Variants in EIF4E2 observed in about 807,000 individuals in gnomAD.
The protein encoded by EIF4E2 is eukaryotic translation initiation factor 4E family member 2.
EIF4E2 carries 13 observed loss-of-function variants against 34.2 expected under a neutral mutation model. The observed-to-expected ratio is 0.38, with a 90% CI of 0.25 to 0.60. EIF4E2 has a LOEUF of 0.60. Ranked by LOEUF, EIF4E2 falls within the 20% of genes least tolerant of loss-of-function variation. The probability of loss-of-function intolerance (pLI) is 0.62; values close to 1 mark genes in which losing one functional copy is unlikely to be tolerated. For missense variants in EIF4E2, 222 were observed against 315.1 expected (o/e 0.70, Z 2.24); for synonymous variants, 100 against 106.6 (o/e 0.94, Z 0.38).
chr2:232,551,988 C>T (rs1692352753), intron 1 of EIF4E2, among the ~76,000 whole-genome samples: 1 of 152,178 alleles, frequency 6.6e-6, no homozygotes, highest in South Asian at 2.1e-4. Flanking sequence ...CCCATTTCAT[C>T]TCTATTGTAA....
chr2:232,567,020 C>T, intron 5 of EIF4E2, 39 bp downstream of exon 5: 1 of 1,595,604 alleles, frequency 6.3e-7, no homozygotes, highest in Non-Finnish European at 8.5e-7. Context: ...CTTGTGTTGC[C>T]TTTGCTCTCC....
downstream of EIF4E2, among the ~76,000 whole-genome samples, chr2:232,571,525 C>G (rs895889378): frequency 6.6e-6 from 1 of 152,182 alleles, no homozygotes; most frequent in African/African-American, 2.4e-5. Flanking sequence ...CCCACTGATT[C>G]CTTTTGTGCA....
At chr2:232,570,629 A>AG (rs1693069201), downstream of EIF4E2, among the ~76,000 whole-genome samples, 2 of 152,184 alleles carry the variant, frequency 1.3e-5, 1 homozygote, top group South Asian at 4.1e-4. Context: ...TGAGCCAAGG[A>AG]ACAGCTGCTA....
At chr2:232,568,536 C>T in intron 6 of EIF4E2, 1 of 985,396 alleles carries the variant, frequency 1.0e-6, no homozygotes, top group South Asian at 4.7e-5. Flanking sequence ...GAGATCTACA[C>T]CTGTTTCTAG....
intron 1 of EIF4E2, among the ~76,000 whole-genome samples, chr2:232,552,091 A>G (rs1692357211): frequency 3.9e-5 from 6 of 152,166 alleles, no homozygotes; most frequent in Non-Finnish European, 8.8e-5. Context: ...GAACAAATCA[A>G]ATGTCATCCT....
At position 232,569,001 on chromosome 2, in the gene EIF4E2, G is replaced by T; in HGVS notation, c.722G>T (p.Arg241Leu). The change falls in exon 7 of 7, where the codon CGG becomes CTG. Residue 241 changes from arginine (R) to leucine (L), a missense_variant. Around this residue, in one of 3 missense-constraint regions of EIF4E2, gnomAD observed 30 missense variants for 26.3 expected, o/e 1.14. Transcript: ENST00000258416. Reference protein sequence around the residue: ...RLLFQNLWKPRLNVP With the variant: ...RLLFQNLWKPLLNVP ...CTTTTTCAAAACCTCTGGAAGCCGC[G>T]GTTGAATGTGCCATGACCCTCTCCC... The T allele has an allele frequency of 6.2e-7, 1 of 1,614,150 alleles. No homozygotes were observed. Among genetic ancestry groups the T allele is most frequent in the Non-Finnish European group, 8.5e-7 (1 of 1,180,024 alleles).
At chr2:232,568,679 TAC>T in intron 6 of EIF4E2, 1 of 985,456 alleles carries the variant, frequency 1.0e-6, no homozygotes, top group Non-Finnish European at 1.2e-6. Flanking sequence ...CCCTTTCTAA[TAC>T]CATAAGGCAG....
chr2:232,576,117 T>A (rs1000863276), intron 6 of EIF4E2, among the ~76,000 whole-genome samples: 4 of 151,982 alleles, frequency 2.6e-5, no homozygotes, highest in African/African-American at 7.3e-5. Flanking sequence ...GGCAGGAGAA[T>A]CGCTTGAACT....
In EIF4E2 at chr2:232,555,438, A is replaced by G. The variant is rs746038894; in HGVS notation, c.21-978A>G. Among the ~76,000 whole-genome samples the G allele has an allele frequency of 5.3e-5, 8 of 152,338 alleles. No individual in the cohort carries two copies. The East Asian group carries it at 5.8e-4, about 11-fold the overall frequency. On this transcript the variant is annotated intron_variant, in intron 1 of 6. Transcript: ENST00000258416. ...TAGGTGTACCTGAAAGCCTTGGGGT[A>G]GTTTCACTGCTCATGAAAGGGTAAT...
In EIF4E2 at chr2:232,581,305, C is replaced by T; in HGVS notation, c.*362C>T. 2.6e-6 allele frequency: 1 copy of T among 391,124 alleles called. No individual in the cohort carries two copies. Among genetic ancestry groups the T allele is most frequent in the South Asian group, 2.1e-5 (1 of 48,350 alleles). 24.2% of individuals were successfully genotyped at this position (391,124 alleles called of 1,614,324 possible). A position where few individuals can be genotyped will look rare whatever the true frequency, so the allele number is the denominator to read the frequency against. On this transcript the variant is annotated 3_prime_UTR_variant, in exon 7 of 7. Transcript: ENST00000409098. This position sits in a 1 kb window ranked among gnomAD's most constrained non-coding sequence, Gnocchi z 5.2. ...CCGTGGCCACGTGTACATGCCAGAG[C>T]TGTTGATGAGAGTTACCAGTATTAT...
At chr2:232,556,328 C>T in intron 1 of EIF4E2, 88 bp from the exon 2 acceptor site, 8 of 1,035,920 alleles carry the variant, frequency 7.7e-6, no homozygotes, top group East Asian at 2.5e-5. Context: ...GGGTTGGTTA[C>T]ATAGTAGTTC....
At chr2:232,558,909 G>A (rs561000243) in intron 3 of EIF4E2, 1 of 152,194 alleles carries the variant, frequency 6.6e-6, no homozygotes, top group Non-Finnish European at 1.5e-5. Context: ...AGGTGACTTG[G>A]TTTGTGTACC....
rs760515301 is a variant in EIF4E2, at chr2:232,550,770, G to C, written c.20+26G>C. ...GTGAGTGGCTCGTGGCCGCCCCCGG[G>C]GCCCCTTCCCCGAACAGTTCCCCCG... On this transcript the variant is annotated intron_variant, in intron 1 of 6. Coordinates refer to ENST00000258416, the MANE Select transcript of EIF4E2 (RefSeq NM_004846.4). 5.1e-6 allele frequency: 8 copies of C among 1,556,316 alleles called. No individual in the cohort carries two copies. The East Asian group carries it at 9.9e-5, about 19-fold the overall frequency.
At chr2:232,552,377 A>T (rs1692369615) in intron 1 of EIF4E2, among the ~76,000 whole-genome samples, 1 of 151,804 alleles carries the variant, frequency 6.6e-6, no homozygotes, top group Non-Finnish European at 1.5e-5. Flanking sequence ...TACCTTGCTA[A>T]TTTTTTTGTA....
In EIF4E2 at chr2:232,569,076, C is replaced by T. The variant is rs920614216; in HGVS notation, c.*59C>T. 3 of 1,597,244 alleles carry T rather than the reference C, an allele frequency of 1.9e-6. No homozygotes were observed. The highest frequency in any genetic ancestry group is 2.6e-6 in the Non-Finnish European group (3 of 1,171,394). ...GCTGGCGTCATCGGAGTCTCTTGTT[C>T]TGTTGGCGTGCTACCTGGAAGATCC... On this transcript the variant is annotated 3_prime_UTR_variant, in exon 7 of 7. Coordinates refer to ENST00000258416, the MANE Select transcript of EIF4E2 (RefSeq NM_004846.4).
intron 6 of EIF4E2, among the ~76,000 whole-genome samples, chr2:232,576,029 C>A (rs995846176): frequency 6.6e-6 from 1 of 152,060 alleles, no homozygotes; most frequent in African/African-American, 2.4e-5. Flanking sequence ...CATGGTGAAA[C>A]CCCGTCTCTA....
rs372575899 is a variant in EIF4E2 at position 232,567,225 on chromosome 2, G to A, written c.665+11G>A. The A allele has an allele frequency of 7.4e-6, 12 of 1,614,090 alleles. No individual in the cohort carries two copies. The highest frequency in any genetic ancestry group is 1.0e-5 in the Non-Finnish European group (12 of 1,179,986). Reference sequence around the variant, plus strand: ...CACCGACAGCATCAAGTACGTGTTGGGGGGTTATGGGAGGACGTGTCCCTA... The same window carrying A: ...CACCGACAGCATCAAGTACGTGTTGAGGGGTTATGGGAGGACGTGTCCCTA... On this transcript the variant is annotated intron_variant, in intron 6 of 6. Transcript: ENST00000258416.
Position 232,566,974 on chromosome 2 carries a change from G to A in EIF4E2, c.521G>A (p.Arg174His). 1 of 1,592,536 alleles carries A rather than the reference G, an allele frequency of 6.3e-7. No homozygotes were observed. The highest frequency in any genetic ancestry group is 8.6e-7 in the Non-Finnish European group (1 of 1,168,846). ...ATCTGTGGGGCTGTGGTGTCTGTCC[G>A]CTTTCAGGTAAGCCACCCATGAGCC... ...EEICGAVVSV[R>H]FQEDIISIWN... Residue 174 changes from arginine (R) to histidine (H), a missense_variant, in exon 5 of 7, where the codon CGC becomes CAC. Arg to His is a conservative substitution (Grantham distance 29). Around this residue, in one of 3 missense-constraint regions of EIF4E2, gnomAD observed 105 missense variants for 195.1 expected, o/e 0.54. Transcript: ENST00000258416. The surrounding 1 kb of genome is among the most constrained non-coding windows in gnomAD (Gnocchi z 4.9).
At chr2:232,564,585 G>A (rs996632332) in intron 4 of EIF4E2, among the ~76,000 whole-genome samples, 2 of 152,124 alleles carry the variant, frequency 1.3e-5, no homozygotes, top group African/African-American at 4.8e-5. Context: ...CTAGTAGCTG[G>A]GACTACAGGC....
Sources: gnomAD v4.1 joint callset for allele counts (sites outside exome capture counted in the v4.1 genomes callset) on GRCh38, gnomAD v4.1.1 for gene constraint, gnomAD v4.1.1 regional missense constraint, Gnocchi (gnomAD v3.1) non-coding constraint, MANE v1.5 for transcripts, NCBI Gene and HGNC (gene_info 2026-07-23, HGNC 2026-07-21) for gene names.